The following CDH12 variants were observed in gnomAD, a reference collection of about 807,000 sequenced individuals.
The protein encoded by CDH12 is cadherin-12.
Under a neutral mutation model 74.1 loss-of-function variants are expected in CDH12, and 41 were observed. The observed-to-expected ratio is 0.55, with a 90% CI of 0.43 to 0.72. CDH12 has a LOEUF of 0.72. Ranked by LOEUF, CDH12 falls within the 30% of genes least tolerant of loss-of-function variation. The probability of loss-of-function intolerance (pLI) is 0.00; values close to 1 mark genes in which losing one functional copy is unlikely to be tolerated. For missense variants in CDH12, 945 were observed against 977.2 expected (o/e 0.97, Z 0.44); for synonymous variants, 399 against 355.0 (o/e 1.12, Z -1.39).
intron 6 of CDH12, among the ~76,000 whole-genome samples, chr5:21,954,229 A>G (rs1755994153): frequency 1.3e-5 from 2 of 152,004 alleles, no homozygotes; most frequent in South Asian, 4.1e-4. Flanking sequence ...AGAGGCAGCT[A>G]ATCCAAAACT....
At chr5:22,042,751 G>A (rs138198586) in intron 5 of CDH12, among the ~76,000 whole-genome samples, 244 of 151,964 alleles carry the variant, frequency 1.6e-3, no homozygotes, top group African/African-American at 5.8e-3. Flanking sequence ...TTAGCTGGGT[G>A]TGATGGTTTG....
chr5:22,568,220 G>A (rs1739382028), intron 1 of CDH12, among the ~76,000 whole-genome samples: 1 of 152,184 alleles, frequency 6.6e-6, no homozygotes, highest in Non-Finnish European at 1.5e-5. Context: ...CATAGCATAA[G>A]ATGAGCAGCA....
At chr5:22,320,945 T>C (rs1332348553) in intron 3 of CDH12, among the ~76,000 whole-genome samples, 2 of 152,188 alleles carry the variant, frequency 1.3e-5, no homozygotes, top group Non-Finnish European at 2.9e-5. Context: ...AGTTCAACTA[T>C]ATTATGAGAG....
At chr5:22,280,170 G>T (rs35379784) in intron 3 of CDH12, among the ~76,000 whole-genome samples, 82,488 of 151,932 alleles carry the variant, frequency 0.54, 23,130 homozygotes, top group Non-Finnish European at 0.62. Flanking sequence ...CTGCATAAAT[G>T]TCTTCTTTTC....
chr5:22,808,979 G>A (rs1193669824), intron 1 of CDH12, among the ~76,000 whole-genome samples: 1 of 151,420 alleles, frequency 6.6e-6, no homozygotes, highest in African/African-American at 2.4e-5. Flanking sequence ...CATATGCAAT[G>A]TTTTGCTAAT....
intron 2 of CDH12, among the ~76,000 whole-genome samples, chr5:22,418,607 G>A (rs148915859): frequency 1.6e-4 from 24 of 152,096 alleles, no homozygotes; most frequent in African/African-American, 2.7e-4. Flanking sequence ...TTATTGGCCC[G>A]GCACGGTAGC....
chr5:22,638,273 GC>G (rs1738943419), intron 1 of CDH12, among the ~76,000 whole-genome samples: 1 of 152,164 alleles, frequency 6.6e-6, no homozygotes, highest in Admixed American at 6.5e-5. Flanking sequence ...AAGCCAGGCA[GC>G]ATCCCAAAAC....
chr5:22,095,079 T>G (rs1445572337), intron 4 of CDH12, among the ~76,000 whole-genome samples: 1 of 152,200 alleles, frequency 6.6e-6, no homozygotes, highest in African/African-American at 2.4e-5. Context: ...TGCCGTGACT[T>G]GGATCGGGGG....
intron 8 of CDH12, among the ~76,000 whole-genome samples, chr5:21,823,374 C>T (rs1022015454): frequency 2.0e-5 from 3 of 152,072 alleles, no homozygotes; most frequent in African/African-American, 7.2e-5. Context: ...TGTTCAATAA[C>T]TCCCACTGGG....
intron 1 of CDH12, among the ~76,000 whole-genome samples, chr5:22,559,149 C>G (rs982199268): frequency 6.6e-6 from 1 of 151,928 alleles, no homozygotes; most frequent in Non-Finnish European, 1.5e-5. Flanking sequence ...TATTCTTGTA[C>G]TCCTGATAAT....
chr5:22,524,446 T>C (rs1737183423), intron 1 of CDH12, among the ~76,000 whole-genome samples: 1 of 152,218 alleles, frequency 6.6e-6, no homozygotes. Flanking sequence ...ATTATGTGTC[T>C]CATTGTCTAA....
chr5:22,426,978 T>A (rs1743965462), intron 2 of CDH12, among the ~76,000 whole-genome samples: 1 of 152,032 alleles, frequency 6.6e-6, no homozygotes. Flanking sequence ...ACCCTCTATC[T>A]CTTTTTCTCT....
intron 4 of CDH12, among the ~76,000 whole-genome samples, chr5:22,156,732 T>C (rs1748044589): frequency 6.6e-6 from 1 of 152,186 alleles, no homozygotes; most frequent in Non-Finnish European, 1.5e-5. Flanking sequence ...AATAAAATTA[T>C]AACTGCACTT....
intron 6 of CDH12, among the ~76,000 whole-genome samples, chr5:21,876,058 G>A (rs1342834099): frequency 6.6e-6 from 1 of 151,988 alleles, no homozygotes; most frequent in Non-Finnish European, 1.5e-5. Context: ...ACCATGCCCA[G>A]CTAATTTTTG....
At chr5:22,437,035 A>G (rs1744425928) in intron 2 of CDH12, among the ~76,000 whole-genome samples, 1 of 152,132 alleles carries the variant, frequency 6.6e-6, no homozygotes, top group Non-Finnish European at 1.5e-5. Flanking sequence ...CCTTTTAATT[A>G]TAATTTCCTA....
chr5:22,476,717 C>G (rs1216997421), intron 2 of CDH12, among the ~76,000 whole-genome samples: 1 of 152,016 alleles, frequency 6.6e-6, no homozygotes, highest in Non-Finnish European at 1.5e-5. Flanking sequence ...TAAAAATTGT[C>G]TATAGATTTA....
chr5:22,730,393 A>T (rs1049157048), intron 1 of CDH12, among the ~76,000 whole-genome samples: 1 of 151,868 alleles, frequency 6.6e-6, no homozygotes, highest in African/African-American at 2.4e-5. Flanking sequence ...TTTCCAGTCC[A>T]TAAAAATACT....
At chr5:22,008,662 G>T (rs990248136) in intron 5 of CDH12, among the ~76,000 whole-genome samples, 3 of 152,112 alleles carry the variant, frequency 2.0e-5, no homozygotes, top group African/African-American at 7.2e-5. Flanking sequence ...TGATAGTTTT[G>T]TTGGGAACTC....
intron 6 of CDH12, among the ~76,000 whole-genome samples, chr5:21,915,160 T>A (rs1469309468): frequency 6.6e-6 from 1 of 152,184 alleles, no homozygotes; most frequent in Admixed American, 6.6e-5. Context: ...AATTAGAATC[T>A]GTCTTCTGAA....
Sources: gnomAD v4.1 joint callset for allele counts (sites outside exome capture counted in the v4.1 genomes callset) on GRCh38, gnomAD v4.1.1 for gene constraint, MANE v1.5 for transcripts, NCBI Gene and HGNC (gene_info 2026-07-23, HGNC 2026-07-21) for gene names.